Variants in NRG1 observed in about 807,000 individuals in gnomAD.
The protein encoded by NRG1 is neuregulin 1, also known as pro-neuregulin-1, membrane-bound isoform.
A neutral mutation model predicts 63.8 loss-of-function variants in NRG1; 18 were observed. The observed-to-expected ratio is 0.28, with a 90% CI of 0.19 to 0.42. The LOEUF (loss-of-function observed/expected upper bound fraction) is 0.42. Among genes scored for constraint, NRG1 ranks in the 10% least tolerant of loss-of-function variants. The pLI, the probability that NRG1 is intolerant of heterozygous loss-of-function variation, is 1.00. For missense variants in NRG1, 762 were observed against 814.7 expected (o/e 0.94, Z 0.79); for synonymous variants, 302 against 301.3 (o/e 1.00, Z -0.02).
At chr8:32,148,121 A>G (rs934925315) in intron 1 of NRG1, among the ~76,000 whole-genome samples, 3 of 152,180 alleles carry the variant, frequency 2.0e-5, no homozygotes, top group Non-Finnish European at 4.4e-5. Flanking sequence ...ATATTTCCTC[A>G]GTATTTTGAG....
intron 1 of NRG1, among the ~76,000 whole-genome samples, chr8:31,967,888 T>G (rs1452774256): frequency 5.9e-5 from 9 of 152,192 alleles, no homozygotes; most frequent in Non-Finnish European, 1.2e-4. Context: ...TCATAGTTGT[T>G]AAAGCTTCCA....
chr8:32,610,049 T>C (rs61156846), intron 3 of NRG1, among the ~76,000 whole-genome samples: 10,297 of 152,202 alleles, frequency 0.068, 1,098 homozygotes, highest in East Asian at 0.51. Flanking sequence ...ACTATTACAT[T>C]ATGTAGAACT....
rs566354545 is a variant in NRG1, at chr8:32,051,038, A to G, written c.37+411607A>G. 1.7e-3 allele frequency among the ~76,000 whole-genome samples: 262 copies of G among 152,272 alleles called. 1 individual carries two copies. Among genetic ancestry groups the G allele is most frequent in the African/African-American group, 6.0e-3 (248 of 41,568 alleles). ...GTAGGTAGAGAGTTTAATATAAAGT[A>G]GAATATGGAATCCTTCCATGTTCTC... On this transcript the variant is annotated intron_variant, in intron 1 of 10. Coordinates refer to the NRG1 transcript ENST00000519301.
At chr8:32,548,624 C>T in exon 1 of NRG1, 3 of 1,408,798 alleles carry the variant, frequency 2.1e-6, no homozygotes, top group East Asian at 3.0e-5. Context: ...GCCGCTCGCT[C>T]TCCCCCTCGA....
intron 7 of NRG1, among the ~76,000 whole-genome samples, chr8:32,746,923 A>G (rs1055421749): frequency 2.0e-5 from 3 of 151,090 alleles, no homozygotes; most frequent in African/African-American, 7.3e-5. Flanking sequence ...AATAGTAAAA[A>G]TGAATTAGAG....
At chr8:31,717,190 T>G (rs1465832737) in intron 1 of NRG1, among the ~76,000 whole-genome samples, 1 of 152,036 alleles carries the variant, frequency 6.6e-6, no homozygotes, top group African/African-American at 2.4e-5. Flanking sequence ...GTGGATCACT[T>G]GAGGTCAGGA....
intron 1 of NRG1, among the ~76,000 whole-genome samples, chr8:32,426,000 C>T (rs760101761): frequency 1.3e-5 from 2 of 152,010 alleles, no homozygotes; most frequent in Non-Finnish European, 2.9e-5. Flanking sequence ...CAGGATTTGG[C>T]GCTCTACATA....
At chr8:32,054,783 T>C (rs902277337) in intron 1 of NRG1, among the ~76,000 whole-genome samples, 3 of 150,858 alleles carry the variant, frequency 2.0e-5, no homozygotes, top group African/African-American at 7.3e-5. Flanking sequence ...AGCATAATCT[T>C]CCATCTCAGG....
chr8:32,633,270 T>TA (rs1310739020), intron 5 of NRG1, among the ~76,000 whole-genome samples: 1 of 152,172 alleles, frequency 6.6e-6, no homozygotes, highest in African/African-American at 2.4e-5. Context: ...ACAACAGCTT[T>TA]AAAAAAATGC....
At chr8:32,696,340 T>G (rs1464440794) in intron 5 of NRG1, among the ~76,000 whole-genome samples, 1 of 152,182 alleles carries the variant, frequency 6.6e-6, no homozygotes, top group African/African-American at 2.4e-5. Context: ...CAACATTTCC[T>G]TTTCTTTAGT....
At chr8:32,161,927 T>C (rs1326771960) in intron 1 of NRG1, among the ~76,000 whole-genome samples, 1 of 152,202 alleles carries the variant, frequency 6.6e-6, no homozygotes, top group Admixed American at 6.5e-5. Context: ...CTGCTCACAT[T>C]CCATTGGCCA....
rs894599553 is a variant in NRG1 at position 32,679,450 on chromosome 8, G to T, written c.503-48499G>T. ...CCTTTATGGCCCATTAACTATCTTT[G>T]CATCATAATATAGTTATCTTTCTCA... On this transcript the variant is annotated intron_variant, in intron 5 of 11. Transcript: ENST00000356819. 3.9e-5 allele frequency among the ~76,000 whole-genome samples: 6 copies of T among 151,968 alleles called. 1 individual carries two copies. The highest frequency in any genetic ancestry group is 1.5e-5 in the Non-Finnish European group (1 of 67,990).
At chr8:32,395,133 A>G (rs1195567110) in intron 1 of NRG1, among the ~76,000 whole-genome samples, 1 of 152,166 alleles carries the variant, frequency 6.6e-6, no homozygotes, top group Non-Finnish European at 1.5e-5. Context: ...CCCTTCCTGT[A>G]TATACAAAGT....
intron 1 of NRG1, among the ~76,000 whole-genome samples, chr8:32,138,670 A>T (rs1040891217): frequency 6.6e-6 from 1 of 151,806 alleles, no homozygotes; most frequent in Non-Finnish European, 1.5e-5. Flanking sequence ...TCAAGCAATT[A>T]TTCTGCCTCA....
chr8:32,670,573 T>C (rs1286739089), intron 5 of NRG1, among the ~76,000 whole-genome samples: 1 of 152,174 alleles, frequency 6.6e-6, no homozygotes, highest in African/African-American at 2.4e-5. Context: ...GGGAAACATA[T>C]CAAGATATTA....
intron 1 of NRG1, among the ~76,000 whole-genome samples, chr8:31,934,485 G>T (rs984314954): frequency 7.5e-6 from 1 of 132,748 alleles, no homozygotes; most frequent in Non-Finnish European, 1.5e-5. Flanking sequence ...GAGTGCAATG[G>T]TGCAATCTTG....
chr8:31,719,223 C>G (rs995637979), intron 1 of NRG1, among the ~76,000 whole-genome samples: 4 of 152,102 alleles, frequency 2.6e-5, no homozygotes, highest in African/African-American at 9.7e-5. Flanking sequence ...TCAGGCATAC[C>G]TTCTTCCTTT....
intron 1 of NRG1, among the ~76,000 whole-genome samples, chr8:31,963,563 C>T (rs1805823680): frequency 6.6e-6 from 1 of 152,114 alleles, no homozygotes; most frequent in Non-Finnish European, 1.5e-5. Flanking sequence ...TACAAAATGC[C>T]ATAATATTTC....
Position 31,841,136 on chromosome 8 carries a change from A to G in NRG1, c.37+201705A>G, listed in dbSNP as rs542344001. Reference sequence around the variant, plus strand: ...CTGCCTAGAATGTAGTTGGATCTCAAAAGAATTACTGAGGGTTGGAGGTTT... The same window carrying G: ...CTGCCTAGAATGTAGTTGGATCTCAGAAGAATTACTGAGGGTTGGAGGTTT... On this transcript the variant is annotated intron_variant, in intron 1 of 10. Transcript: ENST00000519301. Among the ~76,000 whole-genome samples the G allele has an allele frequency of 1.1e-4, 17 of 152,228 alleles. No homozygotes were observed. In the East Asian group the frequency reaches 3.1e-3, roughly 28 times the overall value.
Sources: allele counts gnomAD v4.1 joint callset (sites outside exome capture counted in the v4.1 genomes callset), GRCh38; gene constraint gnomAD v4.1.1; transcripts MANE v1.5; gene names NCBI Gene and HGNC (gene_info 2026-07-23, HGNC 2026-07-21).